KHDRBS2: variants seen among roughly 807,000 people sequenced by gnomAD.
The protein encoded by KHDRBS2 is KH domain-containing, RNA-binding, signal transduction-associated protein 2.
Under a neutral mutation model 44.3 loss-of-function variants are expected in KHDRBS2, and 26 were observed. The observed-to-expected ratio is 0.59, with a 90% CI of 0.43 to 0.81. The LOEUF is 0.81. Ranked by LOEUF, KHDRBS2 falls within the 40% of genes least tolerant of loss-of-function variation. The pLI, the probability that KHDRBS2 is intolerant of heterozygous loss-of-function variation, is 0.00. For synonymous variants in KHDRBS2, 194 were observed against 151.1 expected (o/e 1.28, Z -2.08); for missense variants, 476 against 433.1 (o/e 1.10, Z -0.88).
intron 6 of KHDRBS2, among the ~76,000 whole-genome samples, chr6:61,863,171 C>A (rs1797255062): frequency 6.6e-6 from 1 of 151,448 alleles, no homozygotes; most frequent in Non-Finnish European, 1.5e-5. Context: ...TGAATCTTCT[C>A]TCTTTTCTTC....
intron 7 of KHDRBS2, among the ~76,000 whole-genome samples, chr6:61,698,290 T>A (rs748879101): frequency 5.9e-5 from 9 of 152,276 alleles, no homozygotes; most frequent in Non-Finnish European, 1.0e-4. Flanking sequence ...TTCCAATCAC[T>A]TATTCCTGGA....
chr6:62,285,207 C>A (rs185753687), intron 1 of KHDRBS2, among the ~76,000 whole-genome samples: 43 of 152,060 alleles, frequency 2.8e-4, no homozygotes, highest in Non-Finnish European at 4.9e-4. Flanking sequence ...TACAGGTACA[C>A]AAAAGAAAAT....
chr6:61,808,616 G>T (rs1787564637), intron 6 of KHDRBS2, among the ~76,000 whole-genome samples: 1 of 152,036 alleles, frequency 6.6e-6, no homozygotes, highest in African/African-American at 2.4e-5. Context: ...GCTCATTAAG[G>T]ATAAAACATC....
the KHDRBS2 span, among the ~76,000 whole-genome samples, chr6:61,659,514 A>G: frequency 6.6e-6 from 1 of 151,850 alleles, no homozygotes; most frequent in Non-Finnish European, 1.5e-5. Flanking sequence ...TGATATAACA[A>G]AGGGAAAGTC....
intron 6 of KHDRBS2, among the ~76,000 whole-genome samples, chr6:61,749,550 A>T (rs1777361672): frequency 6.6e-6 from 1 of 152,168 alleles, no homozygotes; most frequent in Non-Finnish European, 1.5e-5. Flanking sequence ...TTTCTCATTC[A>T]TCTTTTCCTG....
chr6:62,127,417 A>G (rs1809230274), intron 2 of KHDRBS2, among the ~76,000 whole-genome samples: 1 of 152,168 alleles, frequency 6.6e-6, no homozygotes, highest in African/African-American at 2.4e-5. Context: ...TGCGAGGCAA[A>G]TGAAGATTAA....
chr6:62,164,030 A>G (rs1326254119), intron 2 of KHDRBS2, among the ~76,000 whole-genome samples: 1 of 151,594 alleles, frequency 6.6e-6, no homozygotes, highest in African/African-American at 2.4e-5. Context: ...TAAAACGTGC[A>G]TTTTTTTTCA....
chr6:61,630,995 G>A, the KHDRBS2 span, among the ~76,000 whole-genome samples: 6 of 152,148 alleles, frequency 3.9e-5, no homozygotes, highest in Admixed American at 6.5e-5. Context: ...GTAACACTTC[G>A]TCTTTCTTTG....
chr6:62,252,009 T>C (rs1190122686), intron 1 of KHDRBS2, among the ~76,000 whole-genome samples: 15 of 151,846 alleles, frequency 9.9e-5, no homozygotes, highest in Non-Finnish European at 2.2e-4. Flanking sequence ...ATGAATAGCT[T>C]CCCTAGGAGG....
chr6:62,133,108 A>G (rs1810709846), intron 2 of KHDRBS2, among the ~76,000 whole-genome samples: 1 of 152,204 alleles, frequency 6.6e-6, no homozygotes, highest in Non-Finnish European at 1.5e-5. Flanking sequence ...TATTAAAAAG[A>G]CAAGAGATAA....
intron 1 of KHDRBS2, among the ~76,000 whole-genome samples, chr6:62,234,789 T>C (rs1474780572): frequency 6.6e-6 from 1 of 152,004 alleles, no homozygotes; most frequent in African/African-American, 2.4e-5. Flanking sequence ...CCACACAATC[T>C]TTATCTATAA....
At chr6:62,060,301 G>T (rs906142107) in intron 2 of KHDRBS2, among the ~76,000 whole-genome samples, 1 of 151,698 alleles carries the variant, frequency 6.6e-6, no homozygotes, top group African/African-American at 2.4e-5. Flanking sequence ...GGGGGTGAGT[G>T]GGAAGTAGGC....
chr6:62,264,418 T>C (rs1236116548), intron 1 of KHDRBS2, among the ~76,000 whole-genome samples: 1 of 151,870 alleles, frequency 6.6e-6, no homozygotes, highest in Non-Finnish European at 1.5e-5. Flanking sequence ...TGTACTCGAA[T>C]ATAGCAGTTA....
At chr6:61,693,970 T>G (rs1767638154) in intron 8 of KHDRBS2, among the ~76,000 whole-genome samples, 1 of 152,172 alleles carries the variant, frequency 6.6e-6, no homozygotes, top group East Asian at 1.9e-4. Context: ...TGTAAATAAT[T>G]CCGAAATAGA....
the KHDRBS2 span, among the ~76,000 whole-genome samples, chr6:61,618,305 C>T: frequency 1.3e-5 from 2 of 152,138 alleles, no homozygotes; most frequent in Admixed American, 6.5e-5. Flanking sequence ...CAGTCTACCA[C>T]TATACATGGA....
intron 4 of KHDRBS2, among the ~76,000 whole-genome samples, chr6:61,942,629 G>A (rs1032355196): frequency 2.6e-5 from 4 of 152,056 alleles, no homozygotes; most frequent in Non-Finnish European, 1.5e-5. Flanking sequence ...AGAATGCAAG[G>A]AGAGAACAAA....
chr6:62,062,417 T>A (rs995724876), intron 2 of KHDRBS2, among the ~76,000 whole-genome samples: 1 of 149,468 alleles, frequency 6.7e-6, no homozygotes, highest in Non-Finnish European at 1.5e-5. Flanking sequence ...ACAGAAATTA[T>A]AACAAACTAT....
At chr6:61,872,221 A>G (rs945988256) in intron 6 of KHDRBS2, among the ~76,000 whole-genome samples, 2 of 152,198 alleles carry the variant, frequency 1.3e-5, no homozygotes, top group African/African-American at 2.4e-5. Flanking sequence ...ACAATTTGAG[A>G]GACATTAGAA....
intron 4 of KHDRBS2, among the ~76,000 whole-genome samples, chr6:61,961,232 C>T (rs769600265): frequency 6.6e-6 from 1 of 151,972 alleles, no homozygotes; most frequent in Non-Finnish European, 1.5e-5. Flanking sequence ...TTTTTCTTAT[C>T]TCTAATGATA....
Sources: gnomAD v4.1 joint callset for allele counts (sites outside exome capture counted in the v4.1 genomes callset) on GRCh38, gnomAD v4.1.1 for gene constraint, MANE v1.5 for transcripts, NCBI Gene and HGNC (gene_info 2026-07-23, HGNC 2026-07-21) for gene names.